Variants in TRAPPC9 observed in about 807,000 individuals in gnomAD.
The protein encoded by TRAPPC9 is trafficking protein particle complex subunit 9.
In TRAPPC9, 83 loss-of-function variants were observed where a neutral mutation model predicts 124.0. The observed-to-expected ratio is 0.67, with a 90% CI of 0.56 to 0.80. The LOEUF (loss-of-function observed/expected upper bound fraction) is 0.80. Ranked by LOEUF, TRAPPC9 falls within the 30% of genes least tolerant of loss-of-function variation. The probability of loss-of-function intolerance (pLI) is 0.00; values close to 1 mark genes in which losing one functional copy is unlikely to be tolerated. For missense variants in TRAPPC9, 1,302 were observed against 1,508.3 expected, an observed-to-expected ratio of 0.86 and a Z score of 2.27; for synonymous variants, 638 against 617.5, an observed-to-expected ratio of 1.03 and a Z score of -0.49.
intron 21 of TRAPPC9, among the ~76,000 whole-genome samples, chr8:139,869,634 C>T (rs1828768216): frequency 2.0e-5 from 3 of 152,164 alleles, no homozygotes; most frequent in Admixed American, 2.0e-4. Context: ...AGGAACATAA[C>T]TTGTTTAAAA....
chr8:139,775,985 C>G (rs775787312), intron 21 of TRAPPC9, among the ~76,000 whole-genome samples: 7 of 152,242 alleles, frequency 4.6e-5, no homozygotes, highest in Non-Finnish European at 8.8e-5. Context: ...ACAAGCAAGG[C>G]AGCCCCTGGG....
At chr8:139,913,416 G>A (rs1205392495) in intron 19 of TRAPPC9, among the ~76,000 whole-genome samples, 1 of 152,208 alleles carries the variant, frequency 6.6e-6, no homozygotes, top group Non-Finnish European at 1.5e-5. Flanking sequence ...ACATCATGGA[G>A]CTAGCAAGCC....
intron 17 of TRAPPC9, among the ~76,000 whole-genome samples, chr8:140,055,422 G>A (rs941247492): frequency 2.0e-5 from 3 of 152,120 alleles, no homozygotes; most frequent in Admixed American, 2.0e-4. Context: ...ACACTCCATG[G>A]TAAAAAAAAC....
chr8:140,054,252 C>T (rs939194730), intron 17 of TRAPPC9, among the ~76,000 whole-genome samples: 1 of 152,126 alleles, frequency 6.6e-6, no homozygotes, highest in Non-Finnish European at 1.5e-5. Flanking sequence ...TCCACAGAAG[C>T]CCAAACCCCA....
chr8:140,208,547 T>G (rs2062981562), intron 17 of TRAPPC9, among the ~76,000 whole-genome samples: 1 of 152,244 alleles, frequency 6.6e-6, no homozygotes, highest in Non-Finnish European at 1.5e-5. Flanking sequence ...TGCCTTAAGT[T>G]GCTGGCATGA....
chr8:140,231,332 G>A (rs1294591263), intron 16 of TRAPPC9, among the ~76,000 whole-genome samples: 1 of 152,042 alleles, frequency 6.6e-6, no homozygotes, highest in Admixed American at 6.5e-5. Context: ...ACCTAATAAG[G>A]ACATGAATGA....
At position 139,873,628 on chromosome 8, in the gene TRAPPC9, C is replaced by T. The variant is rs549706260; in HGVS notation, c.3055+12251G>A. ...CTTGGGAAGAGGACAGACAAATGGC[C>T]AAGTAAATGGGAGGGGGTGTCATGC... On this transcript the variant is annotated intron_variant, in intron 21 of 22. Transcript: ENST00000438773. 4.3e-4 allele frequency among the ~76,000 whole-genome samples: 66 copies of T among 152,256 alleles called. 2 individuals carry two copies. The Middle Eastern group carries it at 0.024, about 55-fold the overall frequency.
At position 140,397,743 on chromosome 8, in the gene TRAPPC9, A is replaced by AT; in HGVS notation, c.1010dup (p.Tyr337Ter). Residue 337 changes from tyrosine (Y) to a stop codon, truncating the protein, a stop_gained and frameshift_variant and splice_region_variant, in exon 7 of 23, where the codon TAT becomes TAAT. Coordinates refer to ENST00000438773, the MANE Select transcript of TRAPPC9 (RefSeq NM_001160372.4). LOFTEE classifies it high-confidence loss of function. ...YKEAISYYSK[Y>*]KNAGVIELEA... ...CCAACTCAATCACTCCCGCATTCTT[A>AT]TACTGCAGGGTGTAAAGGAAATGCC... The AT allele has an allele frequency of 6.2e-7, 1 of 1,614,120 alleles. No individual in the cohort carries two copies. The highest frequency in any genetic ancestry group is 8.5e-7 in the Non-Finnish European group (1 of 1,180,010).
chr8:139,804,082 ACG>A, intron 21 of TRAPPC9, among the ~76,000 whole-genome samples: 1 of 145,468 alleles, frequency 6.9e-6, no homozygotes, highest in African/African-American at 2.6e-5. Flanking sequence ...CACCACCACG[ACG>A]CACCACCACC....
chr8:139,738,259 G>A (rs140695592), intron 21 of TRAPPC9, among the ~76,000 whole-genome samples: 6 of 152,316 alleles, frequency 3.9e-5, no homozygotes, highest in Non-Finnish European at 7.4e-5. Flanking sequence ...ACTAAAGGTC[G>A]AAACATGCCT....
At chr8:140,344,258 G>A (rs906399590) in intron 9 of TRAPPC9, among the ~76,000 whole-genome samples, 3 of 152,146 alleles carry the variant, frequency 2.0e-5, no homozygotes, top group Non-Finnish European at 2.9e-5. Flanking sequence ...CCAGCCCCCC[G>A]AGCTGTGAGA....
chr8:140,384,984 G>T (rs1030803177), intron 7 of TRAPPC9, among the ~76,000 whole-genome samples: 1 of 152,214 alleles, frequency 6.6e-6, no homozygotes, highest in African/African-American at 2.4e-5. Context: ...AGACCACAGT[G>T]CAATCAAACT....
chr8:140,407,890 A>T (rs1156469236), intron 5 of TRAPPC9, among the ~76,000 whole-genome samples: 1 of 152,190 alleles, frequency 6.6e-6, no homozygotes, highest in Admixed American at 6.5e-5. Context: ...CCAAAGTGCT[A>T]GAATTACAGG....
At chr8:140,332,984 G>A (rs1251779594) in intron 9 of TRAPPC9, among the ~76,000 whole-genome samples, 2 of 151,998 alleles carry the variant, frequency 1.3e-5, no homozygotes, top group Non-Finnish European at 2.9e-5. Flanking sequence ...AAATTAGCCG[G>A]ACACAGTGGC....
chr8:140,308,701 T>C (rs934763800), intron 10 of TRAPPC9, among the ~76,000 whole-genome samples: 2 of 151,872 alleles, frequency 1.3e-5, no homozygotes, highest in African/African-American at 4.8e-5. Flanking sequence ...GCCAATATGG[T>C]GAAACCCTGT....
chr8:140,114,094 A>G (rs557172733), intron 17 of TRAPPC9, among the ~76,000 whole-genome samples: 2 of 152,304 alleles, frequency 1.3e-5, no homozygotes, highest in East Asian at 3.9e-4. Flanking sequence ...ATGCACCTCC[A>G]GTAGCATAGC....
chr8:140,234,173 CA>C (rs2063676269), intron 16 of TRAPPC9, among the ~76,000 whole-genome samples: 1 of 152,206 alleles, frequency 6.6e-6, no homozygotes, highest in African/African-American at 2.4e-5. Flanking sequence ...CATAGGATCA[CA>C]AACCCCACTG....
At chr8:139,924,732 T>A (rs905624862) in intron 19 of TRAPPC9, among the ~76,000 whole-genome samples, 44 of 152,230 alleles carry the variant, frequency 2.9e-4, no homozygotes, top group African/African-American at 1.0e-3. Context: ...TAACCCATCA[T>A]CAGCCACGCT....
intron 21 of TRAPPC9, among the ~76,000 whole-genome samples, chr8:139,744,458 G>A (rs1289443905): frequency 6.6e-6 from 1 of 152,190 alleles, no homozygotes; most frequent in Non-Finnish European, 1.5e-5. Context: ...CAGAGGCTGG[G>A]TGACAGAGAC....
Sources: gnomAD v4.1 joint callset for allele counts (sites outside exome capture counted in the v4.1 genomes callset) on GRCh38, gnomAD v4.1.1 for gene constraint, MANE v1.5 for transcripts, NCBI Gene and HGNC (gene_info 2026-07-23, HGNC 2026-07-21) for gene names.